Variants in PSME4 observed in about 807,000 individuals in gnomAD.
The protein encoded by PSME4 is proteasome activator complex subunit 4.
In PSME4, 89 loss-of-function variants were observed where a neutral mutation model predicts 253.9. That is an observed-to-expected ratio of 0.35 (90% CI 0.30 to 0.42). The LOEUF is 0.42. Ranked by LOEUF, PSME4 falls within the 10% of genes least tolerant of loss-of-function variation. PSME4 has a pLI of 1.00. For missense variants in PSME4, 2,014 were observed against 2,195.2 expected (o/e 0.92, Z 1.65); for synonymous variants, 851 against 759.2 (o/e 1.12, Z -1.99).
intron 6 of PSME4, 58 bp from the exon 7 acceptor site, chr2:53,936,219 T>C (rs867385978): frequency 1.1e-5 from 18 of 1,603,660 alleles, no homozygotes; most frequent in Admixed American, 1.7e-5. Context: ...TTAAGTGTCA[T>C]AGTCACACCC....
At chr2:53,955,834 A>T (rs551182289) in intron 1 of PSME4, among the ~76,000 whole-genome samples, 2 of 152,172 alleles carry the variant, frequency 1.3e-5, no homozygotes, top group Non-Finnish European at 2.9e-5. Context: ...AGGTGGGAAG[A>T]TTGGTGGGGC....
intron 3 of PSME4, among the ~76,000 whole-genome samples, chr2:53,940,924 A>ATC (rs1669375309): frequency 8.1e-6 from 1 of 123,668 alleles, no homozygotes; most frequent in African/African-American, 3.0e-5. Context: ...TTAAATATAT[A>ATC]TATAATACAT....
intron 3 of PSME4, among the ~76,000 whole-genome samples, chr2:53,943,656 C>T (rs1381195936): frequency 1.3e-5 from 2 of 151,974 alleles, no homozygotes; most frequent in African/African-American, 2.4e-5. Context: ...GCCTGGCCAA[C>T]ATGATGAAAC....
At chr2:53,887,745 A>C (rs1315314116) in intron 39 of PSME4, 113 bp downstream of exon 39, 1 of 1,284,904 alleles carries the variant, frequency 7.8e-7, no homozygotes, top group Non-Finnish European at 1.1e-6. Flanking sequence ...AATTTGAGAA[A>C]GACACCATGA....
chr2:53,884,337 A>G (rs1305582575), intron 41 of PSME4, among the ~76,000 whole-genome samples: 1 of 152,060 alleles, frequency 6.6e-6, no homozygotes, highest in Non-Finnish European at 1.5e-5. Flanking sequence ...CAGCCTCCCG[A>G]GTAGCTGGGA....
chr2:53,932,393 G>GT (rs2104460539), intron 9 of PSME4, among the ~76,000 whole-genome samples: 1 of 152,166 alleles, frequency 6.6e-6, no homozygotes, highest in African/African-American at 2.4e-5. Context: ...ACAGATGACA[G>GT]GATAAAACTG....
intron 1 of PSME4, among the ~76,000 whole-genome samples, chr2:53,968,051 T>C (rs906372111): frequency 5.9e-5 from 9 of 152,004 alleles, no homozygotes; most frequent in East Asian, 3.9e-4. Flanking sequence ...GGTGGGCAGA[T>C]TGCTTGAGGT....
At chr2:53,969,354 C>G (rs773696858) in intron 1 of PSME4, among the ~76,000 whole-genome samples, 45 of 152,104 alleles carry the variant, frequency 3.0e-4, no homozygotes, top group Non-Finnish European at 5.1e-4. Context: ...AAGGTCCCAC[C>G]CACCCCTCAA....
rs1222064930 is a variant in PSME4, at chr2:53,887,939, G to C, written c.4439C>G (p.Pro1480Arg). The change falls in exon 39 of 47, where the codon CCT becomes CGT. Residue 1480 changes from proline (P) to arginine (R), a missense_variant. By Grantham distance (103) the Pro-to-Arg change is moderately radical. This residue lies in a region of PSME4 where 403 missense variants were observed against 556.1 expected (regional missense o/e 0.72). Coordinates refer to ENST00000404125, the MANE Select transcript of PSME4 (RefSeq NM_014614.3). ...CTTCAGTAGTCTGTGCAATAGTTCA[G>C]GCACTCTCCATTCTTGCTGGGCAAG... ...GGLAQQEWRV[P>R]ELLHRLLKYL... The C allele has an allele frequency of 6.2e-7, 1 of 1,610,262 alleles. No individual in the cohort carries two copies. The highest frequency in any genetic ancestry group is 8.5e-7 in the Non-Finnish European group (1 of 1,176,858).
intron 1 of PSME4, among the ~76,000 whole-genome samples, chr2:53,964,368 T>A (rs1041399749): frequency 2.0e-5 from 3 of 152,226 alleles, no homozygotes; most frequent in African/African-American, 7.2e-5. Flanking sequence ...TATGTCTTAT[T>A]GTGCTATTAC....
At chr2:53,869,577 A>C in intron 43 of PSME4, 39 bp from the exon 44 acceptor site, 1 of 1,422,190 alleles carries the variant, frequency 7.0e-7, no homozygotes, top group Non-Finnish European at 9.4e-7. Flanking sequence ...TGACATTCTA[A>C]GTCTGAGGGA....
intron 20 of PSME4, among the ~76,000 whole-genome samples, chr2:53,915,968 G>A (rs539681755): frequency 2.0e-5 from 3 of 152,238 alleles, no homozygotes; most frequent in African/African-American, 7.2e-5. Flanking sequence ...CTGGCTACTT[G>A]AGAATGTGAG....
rs1234468854 is a variant in PSME4, at chr2:53,897,005, C to A, written c.3607-120G>T. 17 of 725,122 alleles carry A rather than the reference C, an allele frequency of 2.3e-5. No homozygotes were observed. The East Asian group carries it at 4.3e-4, about 19-fold the overall frequency. 44.9% of individuals were successfully genotyped at this position (725,122 alleles called of 1,614,324 possible). On this transcript the variant is annotated intron_variant, in intron 31 of 46. Coordinates refer to ENST00000404125, the MANE Select transcript of PSME4 (RefSeq NM_014614.3). ...TTTAAAAAAACACCTCGCCTATCGACATCTGGCAGTACATCCATGTGAGTG... is the reference window on the plus strand; with the variant it reads ...TTTAAAAAAACACCTCGCCTATCGAAATCTGGCAGTACATCCATGTGAGTG...
At chr2:53,916,883 G>A (rs954162085) in intron 20 of PSME4, among the ~76,000 whole-genome samples, 5 of 151,892 alleles carry the variant, frequency 3.3e-5, no homozygotes, top group East Asian at 1.9e-4. Flanking sequence ...AAAGGAAGAC[G>A]GAAAACTCCC....
intron 1 of PSME4, among the ~76,000 whole-genome samples, chr2:53,950,649 C>A (rs1303249253): frequency 6.6e-6 from 1 of 151,920 alleles, no homozygotes. Flanking sequence ...TGAGACCAGC[C>A]TGACCAACAT....
At chr2:53,933,758 ATAAC>A (rs1429465616) in intron 8 of PSME4, among the ~76,000 whole-genome samples, 14 of 152,222 alleles carry the variant, frequency 9.2e-5, no homozygotes, top group African/African-American at 3.1e-4. Flanking sequence ...CACTCACACA[ATAAC>A]TAATACTAAT....
chr2:53,901,963 A>G (rs1680419793), intron 27 of PSME4, among the ~76,000 whole-genome samples: 1 of 152,182 alleles, frequency 6.6e-6, no homozygotes, highest in Non-Finnish European at 1.5e-5. Context: ...GCTCCTCAGG[A>G]GGCTGAGGTG....
chr2:53,880,933 A>C (rs1329307142), intron 41 of PSME4, among the ~76,000 whole-genome samples: 5 of 152,170 alleles, frequency 3.3e-5, no homozygotes, highest in African/African-American at 1.2e-4. Context: ...GGCAAGGTCT[A>C]TTACCACCAG....
intron 1 of PSME4, among the ~76,000 whole-genome samples, chr2:53,965,930 C>T (rs1466760084): frequency 6.6e-6 from 1 of 152,100 alleles, no homozygotes; most frequent in Non-Finnish European, 1.5e-5. Flanking sequence ...CTTCAGCCTC[C>T]CAAAGTACTG....
Sources: allele counts gnomAD v4.1 joint callset (sites outside exome capture counted in the v4.1 genomes callset), GRCh38; gene constraint gnomAD v4.1.1; regional missense constraint gnomAD v4.1.1; transcripts MANE v1.5; gene names NCBI Gene and HGNC (gene_info 2026-07-23, HGNC 2026-07-21).